MYT1L: variants seen among roughly 807,000 people sequenced by gnomAD.
MYT1L encodes the protein myelin transcription factor 1-like protein.
A neutral mutation model predicts 126.7 loss-of-function variants in MYT1L; 12 were observed. The observed-to-expected ratio is 0.09, with a 90% CI of 0.06 to 0.15. The LOEUF (loss-of-function observed/expected upper bound fraction) is 0.15. Among genes scored for constraint, MYT1L ranks in the 10% least tolerant of loss-of-function variants. The pLI is 1.00. For synonymous variants in MYT1L, 541 were observed against 604.2 expected (o/e 0.90, Z 1.53); for missense variants, 979 against 1,585.2 (o/e 0.62, Z 6.49).
In MYT1L at chr2:2,083,083, C is replaced by T. The variant is rs145048937; in HGVS notation, c.-303-28960G>A. ...CACACAAGCTGTGAGCTTGCACACA[C>T]CTAGAAAGCTGCCAATGTCACTGCT... On this transcript the variant is annotated intron_variant, in intron 3 of 24. Coordinates refer to ENST00000647738, the MANE Select transcript of MYT1L (RefSeq NM_001303052.2). Among the ~76,000 whole-genome samples, 938 of 152,278 alleles carry T rather than the reference C, an allele frequency of 6.2e-3. 10 individuals are homozygous for T. Among genetic ancestry groups the T allele is most frequent in the African/African-American group, 0.021 (893 of 41,556 alleles).
intron 1 of MYT1L, among the ~76,000 whole-genome samples, chr2:2,327,381 CT>C (rs1559691043): frequency 6.6e-6 from 1 of 152,120 alleles, no homozygotes; most frequent in African/African-American, 2.4e-5. Flanking sequence ...TGAAACTTAG[CT>C]TGGTGAAAAA....
chr2:2,252,756 A>C (rs921381909), intron 2 of MYT1L, among the ~76,000 whole-genome samples: 2 of 151,708 alleles, frequency 1.3e-5, no homozygotes, highest in African/African-American at 2.4e-5. Flanking sequence ...ATCTGTCCTC[A>C]CCTCCCCCAC....
chr2:2,329,672 T>C (rs949126124), intron 1 of MYT1L, among the ~76,000 whole-genome samples: 2 of 152,180 alleles, frequency 1.3e-5, no homozygotes, highest in Admixed American at 1.3e-4. Context: ...AAGTGTATGA[T>C]AGTATGGTAA....
rs374952579 is a variant in MYT1L at position 1,917,194 on chromosome 2, C to T, written c.1618+11G>A. On this transcript the variant is annotated intron_variant, in intron 11 of 24. Coordinates refer to ENST00000647738, the MANE Select transcript of MYT1L (RefSeq NM_001303052.2). The surrounding 1 kb of genome is among the most constrained non-coding windows in gnomAD (Gnocchi z 5.9). Reference sequence around the variant, plus strand: ...TGCACCCCCAAGGGTAGCGGTGAGACGTGGACTTACTTTCTGGAGGGACCC... The same window carrying T: ...TGCACCCCCAAGGGTAGCGGTGAGATGTGGACTTACTTTCTGGAGGGACCC... 3.3e-4 allele frequency: 531 copies of T among 1,611,022 alleles called. No individual in the cohort carries two copies. Among genetic ancestry groups the T allele is most frequent in the Non-Finnish European group, 4.1e-4 (486 of 1,177,990 alleles).
chr2:2,253,701 C>G (rs970083764), intron 2 of MYT1L, among the ~76,000 whole-genome samples: 19 of 151,180 alleles, frequency 1.3e-4, no homozygotes, highest in Non-Finnish European at 1.9e-4. Context: ...GAGAGCAAGT[C>G]GGAAACAGGA....
rs1421843857 is a variant in MYT1L, at chr2:1,793,806, A to G, written c.3277-1342T>C. Among the ~76,000 whole-genome samples the G allele has an allele frequency of 3.9e-5, 6 of 152,064 alleles. No individual in the cohort carries two copies. The highest frequency in any genetic ancestry group is 8.8e-5 in the Non-Finnish European group (6 of 68,020). On this transcript the variant is annotated intron_variant, in intron 23 of 24. Coordinates refer to ENST00000647738, the MANE Select transcript of MYT1L (RefSeq NM_001303052.2). The surrounding 1 kb of genome is among the most constrained non-coding windows in gnomAD (Gnocchi z 4.6). The stretch of plus-strand genomic sequence containing the variant: ...CTTCTCATTCGTGTTCTTTGGGGTT[A>G]TTTATCAAATTAATGTTCCCCTCCC...
intron 1 of MYT1L, among the ~76,000 whole-genome samples, chr2:2,327,458 A>C (rs1573623731): frequency 6.6e-6 from 1 of 152,260 alleles, no homozygotes; most frequent in East Asian, 1.9e-4. Flanking sequence ...ATACTACACA[A>C]CTTTTCAAAT....
At chr2:2,011,404 G>T (rs184926278) in intron 4 of MYT1L, among the ~76,000 whole-genome samples, 1 of 111,324 alleles carries the variant, frequency 9.0e-6, no homozygotes. Context: ...CTCCATCTCA[G>T]AAAAAGAAAA....
At chr2:1,802,324 C>A (rs1028923472) in intron 22 of MYT1L, among the ~76,000 whole-genome samples, 1 of 152,140 alleles carries the variant, frequency 6.6e-6, no homozygotes, top group Non-Finnish European at 1.5e-5. Flanking sequence ...CGACAAATGC[C>A]GTCCAGCAAA....
intron 18 of MYT1L, among the ~76,000 whole-genome samples, chr2:1,867,973 C>G (rs879253507): frequency 4.1e-5 from 6 of 146,520 alleles, no homozygotes; most frequent in Non-Finnish European, 8.9e-5. Context: ...CTATGCTTTT[C>G]TTTCTTTTTT....
Position 1,912,295 on chromosome 2 carries a change from C to G in MYT1L, c.1619-185G>C, listed in dbSNP as rs2052135384. Among the ~76,000 whole-genome samples, 1 of 152,214 alleles carries G rather than the reference C, an allele frequency of 6.6e-6. No homozygotes were observed. ...AAGAAGGTTGACTGGACCCTACGGA[C>G]CCTACACGAAAGGCCAGAGAAAGAA... On this transcript the variant is annotated intron_variant, in intron 11 of 24. Coordinates refer to ENST00000647738, the MANE Select transcript of MYT1L (RefSeq NM_001303052.2). The surrounding 1 kb of genome is among the most constrained non-coding windows in gnomAD (Gnocchi z 4.3).
rs540791223 is a variant in MYT1L at position 2,005,833 on chromosome 2, C to G, written c.-157-8486G>C. Among the ~76,000 whole-genome samples the G allele has an allele frequency of 1.8e-4, 24 of 133,980 alleles. No individual in the cohort carries two copies. In the East Asian group the frequency reaches 2.1e-3, roughly 12 times the overall value. 87.9% of individuals were successfully genotyped at this position (133,980 alleles called of 152,430 possible). On this transcript the variant is annotated intron_variant, in intron 4 of 24. Transcript: ENST00000647738. The stretch of plus-strand genomic sequence containing the variant: ...CCTGCATGCGTTCTTTCCTGCATGC[C>G]TTCTTTCCTGCCTGCTTTCTTTCCT...
chr2:1,931,432 C>T (rs1241044013), intron 9 of MYT1L, among the ~76,000 whole-genome samples: 2 of 151,880 alleles, frequency 1.3e-5, no homozygotes, highest in Non-Finnish European at 2.9e-5. Context: ...CTCAGCGATG[C>T]CCACGTCTGC....
chr2:2,027,641 C>G (rs2065785137), intron 4 of MYT1L, among the ~76,000 whole-genome samples: 1 of 152,072 alleles, frequency 6.6e-6, no homozygotes, highest in Non-Finnish European at 1.5e-5. Flanking sequence ...ATATAATGAC[C>G]AAAGAATACC....
chr2:2,042,356 T>G (rs2067653254), intron 4 of MYT1L, among the ~76,000 whole-genome samples: 2 of 152,228 alleles, frequency 1.3e-5, no homozygotes, highest in Admixed American at 1.3e-4. Flanking sequence ...AGAGCATCTG[T>G]CTTGCAACTT....
At chr2:1,999,487 A>T (rs2062164386) in intron 4 of MYT1L, among the ~76,000 whole-genome samples, 1 of 152,222 alleles carries the variant, frequency 6.6e-6, no homozygotes, top group Non-Finnish European at 1.5e-5. Context: ...TATGTAGAAA[A>T]ATAATTTATT....
chr2:2,069,820 C>T (rs942722646), intron 3 of MYT1L, among the ~76,000 whole-genome samples: 2 of 151,804 alleles, frequency 1.3e-5, no homozygotes, highest in African/African-American at 4.8e-5. Flanking sequence ...CTCTAATGAC[C>T]AGTGATGATG....
chr2:1,858,606 G>A (rs1311861944), intron 18 of MYT1L, among the ~76,000 whole-genome samples: 2 of 152,138 alleles, frequency 1.3e-5, no homozygotes, highest in Non-Finnish European at 2.9e-5. Context: ...CAGGGGTCCT[G>A]GAACCAACCC....
chr2:2,160,857 C>T (rs762260785), intron 3 of MYT1L, among the ~76,000 whole-genome samples: 5 of 152,042 alleles, frequency 3.3e-5, no homozygotes, highest in Non-Finnish European at 7.4e-5. Flanking sequence ...CCATGTAGAC[C>T]AAAGAAGAGG....
Sources: gnomAD v4.1 joint callset for allele counts (sites outside exome capture counted in the v4.1 genomes callset) on GRCh38, gnomAD v4.1.1 for gene constraint, Gnocchi (gnomAD v3.1) non-coding constraint, MANE v1.5 for transcripts, NCBI Gene and HGNC (gene_info 2026-07-23, HGNC 2026-07-21) for gene names.